YAE1: variants seen among roughly 807,000 people sequenced by gnomAD.
The protein encoded by YAE1 is protein YAE1 homolog.
YAE1 carries 22 observed loss-of-function variants against 23.0 expected under a neutral mutation model. That is an observed-to-expected ratio of 0.96 (90% CI 0.68 to 1.37). The LOEUF (loss-of-function observed/expected upper bound fraction) is 1.37. Among genes scored for constraint, YAE1 ranks in the 40% most tolerant of loss-of-function variants. The pLI, the probability that YAE1 is intolerant of heterozygous loss-of-function variation, is 0.00. For synonymous variants in YAE1, 101 were observed against 97.0 expected, an observed-to-expected ratio of 1.04 and a Z score of -0.24; for missense variants, 260 against 262.1, an observed-to-expected ratio of 0.99 and a Z score of 0.06.
intron 2 of YAE1, among the ~76,000 whole-genome samples, chr7:39,590,887 A>G (rs1434322264): frequency 6.6e-6 from 1 of 152,096 alleles, no homozygotes; most frequent in African/African-American, 2.4e-5. Context: ...CTTCTCTATC[A>G]CATTTCCTGA....
At chr7:39,587,616 G>A (rs1790839299) in intron 2 of YAE1, among the ~76,000 whole-genome samples, 1 of 152,196 alleles carries the variant, frequency 6.6e-6, no homozygotes, top group African/African-American at 2.4e-5. Context: ...AGTCACCCAT[G>A]CAACACATCT....
chr7:39,569,515 A>T (rs1390049039), intron 1 of YAE1: 1 of 494,804 alleles, frequency 2.0e-6, no homozygotes, highest in East Asian at 5.0e-5. Context: ...AGTTTTTTCA[A>T]AGGTTGAGCA....
At chr7:39,595,464 G>A (rs1394173157) in intron 2 of YAE1, among the ~76,000 whole-genome samples, 6 of 152,052 alleles carry the variant, frequency 3.9e-5, no homozygotes, top group Non-Finnish European at 7.4e-5. Flanking sequence ...ACCCAAACAG[G>A]CCACACAGTC....
At chr7:39,577,159 G>A (rs909155925), downstream of YAE1, among the ~76,000 whole-genome samples, 12 of 152,320 alleles carry the variant, frequency 7.9e-5, no homozygotes, top group African/African-American at 2.9e-4. Context: ...GCCTCCCAAA[G>A]TGCTGGGATT....
downstream of YAE1, among the ~76,000 whole-genome samples, chr7:39,611,582 GTTTAAGT>G (rs1791219070): frequency 6.6e-6 from 1 of 152,220 alleles, no homozygotes; most frequent in Admixed American, 6.5e-5. Flanking sequence ...AGGTAGCCAT[GTTTAAGT>G]GCTTGAGCTT....
At chr7:39,570,233 G>A (rs755499363) in intron 1 of YAE1, 123 of 626,414 alleles carry the variant, frequency 2.0e-4, no homozygotes, top group Non-Finnish European at 2.5e-4. Flanking sequence ...CAAGCGTGGC[G>A]GCCCAACACT....
chr7:39,579,319 G>T (rs1478553140), intron 2 of YAE1, among the ~76,000 whole-genome samples: 1 of 152,158 alleles, frequency 6.6e-6, no homozygotes, highest in Non-Finnish European at 1.5e-5. Context: ...TCCAGAGTGT[G>T]TACTCAGGGT....
At chr7:39,570,181 A>T in intron 1 of YAE1, 1 of 684,088 alleles carries the variant, frequency 1.5e-6, no homozygotes, top group Non-Finnish European at 2.5e-6. Flanking sequence ...GAACTGCAAG[A>T]CTCCTGGAGG....
intron 2 of YAE1, among the ~76,000 whole-genome samples, chr7:39,597,407 TA>T (rs1331387136): frequency 2.6e-5 from 4 of 151,918 alleles, no homozygotes; most frequent in Admixed American, 1.3e-4. Context: ...CCATCTCTAT[TA>T]AAAAAAAATT....
At chr7:39,606,698 C>CA (rs1251749015) in intron 2 of YAE1, among the ~76,000 whole-genome samples, 1 of 54,536 alleles carries the variant, frequency 1.8e-5, no homozygotes, top group Non-Finnish European at 3.2e-5. Context: ...GACTTAATAC[C>CA]AAAAAAGCAC....
intron 1 of YAE1, chr7:39,570,170 G>A (rs1583667692): frequency 1.7e-5 from 12 of 717,096 alleles, no homozygotes; most frequent in African/African-American, 3.5e-5. Context: ...GACTGCCAGC[G>A]GAACTGCAAG....
chr7:39,599,920 A>G (rs1453276505), intron 2 of YAE1, among the ~76,000 whole-genome samples: 1 of 152,044 alleles, frequency 6.6e-6, no homozygotes, highest in African/African-American at 2.4e-5. Flanking sequence ...AAATGAGATA[A>G]TTTACATGAT....
downstream of YAE1, among the ~76,000 whole-genome samples, chr7:39,611,446 A>T (rs1791215666): frequency 6.6e-6 from 1 of 152,228 alleles, no homozygotes; most frequent in South Asian, 2.1e-4. Context: ...CGGGGGCATA[A>T]GGTAGGTGAG....
Position 39,585,432 on chromosome 7 carries a change from C to T in YAE1, c.251+14805C>T, listed in dbSNP as rs1263479762. Among the ~76,000 whole-genome samples, 52 of 152,104 alleles carry T rather than the reference C, an allele frequency of 3.4e-4. 1 individual carries two copies. The highest frequency in any genetic ancestry group is 3.3e-3 in the Admixed American group (51 of 15,254). On this transcript the variant is annotated intron_variant, in intron 2 of 2. Transcript: ENST00000432096. ...TGCTCATATACGGAGGAAAAAACCA[C>T]GTGAGAACACAGGGAAAGCGGCCAT...
At chr7:39,580,340 T>C (rs1034677123) in intron 2 of YAE1, among the ~76,000 whole-genome samples, 3 of 152,334 alleles carry the variant, frequency 2.0e-5, no homozygotes, top group Admixed American at 6.5e-5. Context: ...CACTCACATA[T>C]GTGCATACTG....
At chr7:39,585,956 T>G (rs1790808161) in intron 2 of YAE1, among the ~76,000 whole-genome samples, 1 of 151,824 alleles carries the variant, frequency 6.6e-6, no homozygotes, top group Admixed American at 6.6e-5. Flanking sequence ...ATACAAAAAT[T>G]AGGCATGGTG....
At chr7:39,585,746 C>T (rs1368130228) in intron 2 of YAE1, among the ~76,000 whole-genome samples, 1 of 152,116 alleles carries the variant, frequency 6.6e-6, no homozygotes, top group East Asian at 1.9e-4. Flanking sequence ...CATTGGTGAA[C>T]AAAAAGTTCC....
At chr7:39,585,566 C>T (rs1433250808) in intron 2 of YAE1, among the ~76,000 whole-genome samples, 2 of 152,190 alleles carry the variant, frequency 1.3e-5, no homozygotes, top group Non-Finnish European at 2.9e-5. Context: ...TCAACCCACC[C>T]GTTCTGTGGT....
intron 2 of YAE1, among the ~76,000 whole-genome samples, chr7:39,602,905 C>T (rs1388219705): frequency 6.6e-6 from 1 of 152,096 alleles, no homozygotes; most frequent in Non-Finnish European, 1.5e-5. Context: ...TGCGCCACCA[C>T]ACCTGGCTAA....
Sources: gnomAD v4.1 joint callset for allele counts (sites outside exome capture counted in the v4.1 genomes callset) on GRCh38, gnomAD v4.1.1 for gene constraint, MANE v1.5 for transcripts, NCBI Gene and HGNC (gene_info 2026-07-23, HGNC 2026-07-21) for gene names.